The following ARFIP1 variants were observed in gnomAD, a reference collection of about 807,000 sequenced individuals.
ARFIP1 encodes the protein arfaptin-1.
A neutral mutation model predicts 42.5 loss-of-function variants in ARFIP1; 24 were observed. The ratio of observed to expected loss-of-function variants is 0.57; its 90% CI spans 0.41 to 0.80. The LOEUF is 0.80. Among genes scored for constraint, ARFIP1 ranks in the 30% least tolerant of loss-of-function variants. The pLI is 0.00. For synonymous variants in ARFIP1, 141 were observed against 153.7 expected (o/e 0.92, Z 0.61); for missense variants, 354 against 434.0 (o/e 0.82, Z 1.64).
rs537818237 is a variant in ARFIP1 at position 152,820,727 on chromosome 4, G to T, written c.-9-8898G>T. 3.3e-5 allele frequency among the ~76,000 whole-genome samples: 5 copies of T among 152,308 alleles called. No individual in the cohort carries two copies. The South Asian group carries it at 1.0e-3, about 32-fold the overall frequency. On this transcript the variant is annotated intron_variant, in intron 1 of 8. Coordinates refer to ENST00000353617, the MANE Select transcript of ARFIP1 (RefSeq NM_001025595.3). ...CCCATGATCCAATCACCTCCCACCA[G>T]GCTCCTCTTCCAACATTGGGAATTA...
intron 2 of ARFIP1, among the ~76,000 whole-genome samples, chr4:152,834,452 A>C (rs1449944107): frequency 6.6e-6 from 1 of 152,238 alleles, no homozygotes; most frequent in South Asian, 2.1e-4. Context: ...TTTACTCCCA[A>C]GATACAATGG....
At chr4:152,856,237 T>G (rs1327375695) in intron 2 of ARFIP1, among the ~76,000 whole-genome samples, 2 of 152,180 alleles carry the variant, frequency 1.3e-5, no homozygotes, top group Admixed American at 6.5e-5. Context: ...TTCCAGAAAT[T>G]TACACAATAT....
intron 2 of ARFIP1, among the ~76,000 whole-genome samples, chr4:152,833,003 T>C (rs62319897): frequency 0.043 from 6,491 of 152,116 alleles, 174 homozygotes; most frequent in South Asian, 0.11. Context: ...TTTTTTGATA[T>C]GATGTCAAAA....
At chr4:152,788,579 G>C (rs1398735770) in intron 1 of ARFIP1, among the ~76,000 whole-genome samples, 2 of 152,136 alleles carry the variant, frequency 1.3e-5, no homozygotes, top group African/African-American at 4.8e-5. Context: ...TACTTGGGAG[G>C]CTGAGGTGGG....
chr4:152,898,452 C>T (rs1221836568), intron 8 of ARFIP1, among the ~76,000 whole-genome samples: 2 of 151,788 alleles, frequency 1.3e-5, no homozygotes, highest in East Asian at 3.8e-4. Flanking sequence ...ATTTTCTATC[C>T]TTATTTCTTC....
At chr4:152,800,578 G>A (rs1017632253) in intron 1 of ARFIP1, among the ~76,000 whole-genome samples, 2 of 152,106 alleles carry the variant, frequency 1.3e-5, no homozygotes, top group South Asian at 4.1e-4. Context: ...AACAAAAAAA[G>A]CAAAGAAATT....
chr4:152,855,050 AC>A (rs1389652193), intron 2 of ARFIP1, among the ~76,000 whole-genome samples: 1 of 152,006 alleles, frequency 6.6e-6, no homozygotes, highest in African/African-American at 2.4e-5. Flanking sequence ...GTAGCAGACG[AC>A]CCTTTGGGTC....
intron 5 of ARFIP1, among the ~76,000 whole-genome samples, chr4:152,879,225 T>C (rs1457081019): frequency 6.6e-6 from 1 of 151,702 alleles, no homozygotes; most frequent in Non-Finnish European, 1.5e-5. Context: ...TTGATGAGAA[T>C]AGAAAATGTG....
intron 8 of ARFIP1, among the ~76,000 whole-genome samples, chr4:152,897,770 T>G (rs1243754118): frequency 6.6e-6 from 1 of 152,166 alleles, no homozygotes; most frequent in Non-Finnish European, 1.5e-5. Flanking sequence ...TTTTAAGTGA[T>G]CAATGTGATA....
At chr4:152,845,170 A>G (rs1399617651) in intron 2 of ARFIP1, among the ~76,000 whole-genome samples, 1 of 152,214 alleles carries the variant, frequency 6.6e-6, no homozygotes, top group Non-Finnish European at 1.5e-5. Context: ...CAGAAGAATG[A>G]AACTGGACTG....
chr4:152,886,037 C>A (rs921496907), intron 7 of ARFIP1, among the ~76,000 whole-genome samples: 4 of 152,020 alleles, frequency 2.6e-5, no homozygotes, highest in Non-Finnish European at 4.4e-5. Flanking sequence ...CAGCTTGGCT[C>A]CTGAACCCAT....
Position 152,911,205 on chromosome 4 carries a change from A to G in ARFIP1, c.*986A>G, listed in dbSNP as rs995865244. ...AGAAACCCCTGTTGGATAATGTTTG[A>G]TGTGTCTATTCCTTCCATGGAATGG... On this transcript the variant is annotated 3_prime_UTR_variant, in exon 9 of 9. Transcript: ENST00000353617. The G allele has an allele frequency of 1.3e-5, 2 of 152,654 alleles. No homozygotes were observed. The highest frequency in any genetic ancestry group is 4.8e-5 in the African/African-American group (2 of 41,464). The allele number at this position is 152,654 out of a possible 1,614,324, so 9.5% of individuals were successfully genotyped here.
chr4:152,867,190 C>T (rs564831378), intron 3 of ARFIP1, among the ~76,000 whole-genome samples: 11 of 152,230 alleles, frequency 7.2e-5, no homozygotes, highest in African/African-American at 2.4e-4. Context: ...CGCCACTGCA[C>T]TCCAGCCTGG....
At chr4:152,842,880 G>A (rs979345270) in intron 2 of ARFIP1, among the ~76,000 whole-genome samples, 11 of 151,588 alleles carry the variant, frequency 7.3e-5, no homozygotes, top group Middle Eastern at 3.4e-3. Flanking sequence ...GTCCCTCCCT[G>A]GTTAGCTTAA....
chr4:152,903,988 C>A (rs1410571105), intron 8 of ARFIP1, among the ~76,000 whole-genome samples: 1 of 151,906 alleles, frequency 6.6e-6, no homozygotes, highest in Non-Finnish European at 1.5e-5. Flanking sequence ...GAATTAAATC[C>A]CATACTCTGC....
intron 2 of ARFIP1, among the ~76,000 whole-genome samples, chr4:152,855,313 T>G (rs542776226): frequency 1.3e-5 from 2 of 152,150 alleles, no homozygotes; most frequent in African/African-American, 4.8e-5. Context: ...GGTAGGCATG[T>G]CCTCAGGCCC....
chr4:152,882,967 C>G, intron 7 of ARFIP1, 87 bp downstream of exon 7: 4 of 1,397,384 alleles, frequency 2.9e-6, no homozygotes, highest in Non-Finnish European at 3.9e-6. Flanking sequence ...CAGAAACCAA[C>G]TCTGGCCAAT....
chr4:152,885,377 C>A lies in ARFIP1; in HGVS notation c.791+2497C>A, dbSNP rs577313054. 7.2e-5 allele frequency among the ~76,000 whole-genome samples: 11 copies of A among 152,104 alleles called. No individual in the cohort carries two copies. In the South Asian group the frequency reaches 2.3e-3, roughly 32 times the overall value. ...TCATGTATAGAAAATCTTGTAACAGCCCATTCAACACTTCTCCACAGCAGC... is the reference window on the plus strand; with the variant it reads ...TCATGTATAGAAAATCTTGTAACAGACCATTCAACACTTCTCCACAGCAGC... On this transcript the variant is annotated intron_variant, in intron 7 of 8. Transcript: ENST00000353617.
intron 1 of ARFIP1, among the ~76,000 whole-genome samples, chr4:152,816,207 T>C (rs1021269179): frequency 7.9e-5 from 12 of 152,362 alleles, no homozygotes; most frequent in Admixed American, 4.6e-4. Flanking sequence ...TTTAAAAACC[T>C]GAGTCAGATT....
Sources: allele counts gnomAD v4.1 joint callset (sites outside exome capture counted in the v4.1 genomes callset), GRCh38; gene constraint gnomAD v4.1.1; transcripts MANE v1.5; gene names NCBI Gene and HGNC (gene_info 2026-07-23, HGNC 2026-07-21).